PTPRT: variants seen among roughly 807,000 people sequenced by gnomAD.
PTPRT encodes the protein protein tyrosine phosphatase receptor type T.
Under a neutral mutation model 176.8 loss-of-function variants are expected in PTPRT, and 56 were observed. The ratio of observed to expected loss-of-function variants is 0.32; its 90% confidence interval spans 0.26 to 0.40. The LOEUF is 0.40. Ranked by LOEUF, PTPRT falls within the 10% of genes least tolerant of loss-of-function variation. PTPRT has a pLI of 1.00. For missense variants in PTPRT, 1,540 were observed against 1,908.2 expected (o/e 0.81, Z 3.60); for synonymous variants, 783 against 739.0 (o/e 1.06, Z -0.96).
intron 6 of PTPRT, among the ~76,000 whole-genome samples, chr20:42,747,197 G>T (rs954377268): frequency 6.6e-6 from 1 of 152,190 alleles, no homozygotes; most frequent in Non-Finnish European, 1.5e-5. Flanking sequence ...TTTCTCAGAG[G>T]TAGAAGGAAA....
chr20:42,418,836 C>T (rs576649847), intron 9 of PTPRT, among the ~76,000 whole-genome samples: 5 of 152,236 alleles, frequency 3.3e-5, no homozygotes, highest in South Asian at 4.2e-4. Flanking sequence ...CACCCTCCCC[C>T]GGCGGAGGAG....
intron 11 of PTPRT, among the ~76,000 whole-genome samples, chr20:42,330,100 A>G (rs910038588): frequency 1.3e-5 from 2 of 152,160 alleles, no homozygotes; most frequent in African/African-American, 4.8e-5. Flanking sequence ...CAGAAGTGCT[A>G]TTTTCTAAGT....
intron 1 of PTPRT, among the ~76,000 whole-genome samples, chr20:42,945,632 T>C (rs1309249996): frequency 6.6e-6 from 1 of 152,234 alleles, no homozygotes; most frequent in East Asian, 1.9e-4. Context: ...GTCACCGGGG[T>C]CACTGCCCCT....
At chr20:42,677,823 C>A (rs749352604) in intron 7 of PTPRT, 43 bp downstream of exon 7, 2 of 1,578,260 alleles carry the variant, frequency 1.3e-6, no homozygotes, top group Non-Finnish European at 8.6e-7. Flanking sequence ...TTGGCAATAG[C>A]ACAGCCTCTC....
At chr20:42,362,740 A>G (rs2058447388) in intron 9 of PTPRT, among the ~76,000 whole-genome samples, 1 of 152,178 alleles carries the variant, frequency 6.6e-6, no homozygotes, top group Non-Finnish European at 1.5e-5. Flanking sequence ...ACATAAGGGG[A>G]AGCCAGGTGA....
chr20:42,069,048 A>G (rs766151281), downstream of PTPRT, among the ~76,000 whole-genome samples: 7 of 152,236 alleles, frequency 4.6e-5, no homozygotes, highest in Non-Finnish European at 2.9e-5. Context: ...TAGCTATTTC[A>G]CTGGTTCTGG....
At chr20:42,092,794 T>G (rs1383789560) in intron 27 of PTPRT, among the ~76,000 whole-genome samples, 1 of 152,216 alleles carries the variant, frequency 6.6e-6, no homozygotes, top group Non-Finnish European at 1.5e-5. Context: ...CACCCTGCTT[T>G]TCTCCTGGGA....
At chr20:43,053,672 C>T (rs908887591) in intron 1 of PTPRT, among the ~76,000 whole-genome samples, 1 of 152,168 alleles carries the variant, frequency 6.6e-6, no homozygotes, top group African/African-American at 2.4e-5. Context: ...GTCTTCCAGA[C>T]AGTTCACTCC....
chr20:43,026,666 C>T (rs1489154365), intron 1 of PTPRT, among the ~76,000 whole-genome samples: 1 of 152,128 alleles, frequency 6.6e-6, no homozygotes, highest in African/African-American at 2.4e-5. Flanking sequence ...CCCTGTTGTA[C>T]TATCACATAG....
At chr20:42,697,116 C>G (rs2075892844) in intron 6 of PTPRT, among the ~76,000 whole-genome samples, 1 of 151,656 alleles carries the variant, frequency 6.6e-6, no homozygotes, top group South Asian at 2.1e-4. Context: ...AGCGGATGCA[C>G]CAGAGAAAAA....
chr20:42,900,429 T>A (rs1341915576), intron 1 of PTPRT, among the ~76,000 whole-genome samples: 1 of 152,176 alleles, frequency 6.6e-6, no homozygotes, highest in African/African-American at 2.4e-5. Flanking sequence ...CCGGTATGAA[T>A]GCCCAAGTCC....
chr20:42,850,899 A>G (rs1049676034), intron 2 of PTPRT, among the ~76,000 whole-genome samples: 1 of 152,110 alleles, frequency 6.6e-6, no homozygotes, highest in Admixed American at 6.6e-5. Flanking sequence ...TGGAAAACTC[A>G]CAGATGGGAA....
At chr20:43,015,422 G>A (rs528474139) in intron 1 of PTPRT, among the ~76,000 whole-genome samples, 7 of 152,168 alleles carry the variant, frequency 4.6e-5, no homozygotes, top group Non-Finnish European at 8.8e-5. Flanking sequence ...ATCACGGAGT[G>A]ACCAAAAGTA....
chr20:42,532,467 T>A (rs2072401391), intron 7 of PTPRT, among the ~76,000 whole-genome samples: 1 of 152,116 alleles, frequency 6.6e-6, no homozygotes, highest in South Asian at 2.1e-4. Context: ...AGTGGCATGA[T>A]CATAGTTCAC....
At chr20:42,270,112 A>C (rs574257738) in intron 13 of PTPRT, among the ~76,000 whole-genome samples, 1 of 152,210 alleles carries the variant, frequency 6.6e-6, no homozygotes, top group African/African-American at 2.4e-5. Context: ...TCTTTTGCTC[A>C]TCATTGTACA....
At chr20:42,667,182 T>A (rs1455945411) in intron 7 of PTPRT, among the ~76,000 whole-genome samples, 1 of 152,318 alleles carries the variant, frequency 6.6e-6, no homozygotes, top group East Asian at 1.9e-4. Flanking sequence ...CATGGTGCAT[T>A]ATGCATTGAT....
intron 18 of PTPRT, among the ~76,000 whole-genome samples, chr20:42,140,813 TC>T (rs1167472660): frequency 6.6e-6 from 1 of 152,172 alleles, no homozygotes; most frequent in Admixed American, 6.5e-5. Flanking sequence ...GAATGATAGA[TC>T]CATGCTGCTC....
At chr20:42,623,148 T>C (rs1421218369) in intron 7 of PTPRT, among the ~76,000 whole-genome samples, 1 of 152,240 alleles carries the variant, frequency 6.6e-6, no homozygotes, top group Non-Finnish European at 1.5e-5. Flanking sequence ...TTTAAGTCCA[T>C]GTGCAGCCTC....
intron 7 of PTPRT, among the ~76,000 whole-genome samples, chr20:42,658,712 C>T (rs1250152165): frequency 6.6e-6 from 1 of 152,156 alleles, no homozygotes; most frequent in Non-Finnish European, 1.5e-5. Flanking sequence ...ATAATGAAAA[C>T]TGTATTTCTG....
Sources: allele counts gnomAD v4.1 joint callset (sites outside exome capture counted in the v4.1 genomes callset), GRCh38; gene constraint gnomAD v4.1.1; transcripts MANE v1.5; gene names NCBI Gene and HGNC (gene_info 2026-07-23, HGNC 2026-07-21).